The following USP37 variants were observed in gnomAD, a reference collection of about 807,000 sequenced individuals.
USP37 encodes the protein ubiquitin carboxyl-terminal hydrolase 37.
Under a neutral mutation model 124.0 loss-of-function variants are expected in USP37, and 27 were observed. The ratio of observed to expected loss-of-function variants is 0.22; its 90% CI spans 0.16 to 0.30. The LOEUF is 0.30. Ranked by LOEUF, USP37 falls within the 10% of genes least tolerant of loss-of-function variation. The probability of loss-of-function intolerance (pLI) is 1.00; values close to 1 mark genes in which losing one functional copy is unlikely to be tolerated. For missense variants in USP37, 889 were observed against 1,140.4 expected, an observed-to-expected ratio of 0.78 and a Z score of 3.17; for synonymous variants, 365 against 388.0, an observed-to-expected ratio of 0.94 and a Z score of 0.70.
At position 218,495,903 on chromosome 2, in the gene USP37, A is replaced by G. The variant is rs777724407; in HGVS notation, c.1329T>C (p.Asp443=). 1.9e-6 allele frequency: 3 copies of G among 1,613,562 alleles called. No homozygotes were observed. The South Asian group carries it at 3.3e-5, about 18-fold the overall frequency. The change falls in exon 14 of 26, where the codon GAT becomes GAC. Residue 443 remains aspartate, a synonymous_variant. Transcript: ENST00000258399. ...TCCAAGTTTTATTTAATTTTTCCAT[A>G]TCTTCTTTCAGCTGGTCCAAACACT... ...LSQCLDQLKE[D]MEKLNKTWKT...
At chr2:218,537,950 TA>T (rs968978307) in intron 8 of USP37, among the ~76,000 whole-genome samples, 2 of 152,172 alleles carry the variant, frequency 1.3e-5, no homozygotes, top group African/African-American at 4.8e-5. Context: ...CAACCAGAGC[TA>T]ACCATCAGGA....
intron 10 of USP37, among the ~76,000 whole-genome samples, chr2:218,513,966 C>T (rs1009454208): frequency 1.4e-4 from 21 of 151,770 alleles, no homozygotes; most frequent in East Asian, 1.9e-4. Context: ...CACATCACCA[C>T]GCCCTGCTAA....
chr2:218,537,257 A>G (rs1266273030), intron 8 of USP37, among the ~76,000 whole-genome samples: 2 of 152,218 alleles, frequency 1.3e-5, no homozygotes, highest in African/African-American at 4.8e-5. Context: ...TTCCCAAAAC[A>G]ATGTGACAGA....
chr2:218,531,094 AAAC>A (rs1691295219), intron 9 of USP37, among the ~76,000 whole-genome samples: 1 of 152,380 alleles, frequency 6.6e-6, no homozygotes, highest in African/African-American at 2.4e-5. Context: ...TGGCTACGTT[AAAC>A]AACAGGTCTT....
At chr2:218,487,665 T>C (rs1691651378) in intron 15 of USP37, among the ~76,000 whole-genome samples, 1 of 151,906 alleles carries the variant, frequency 6.6e-6, no homozygotes, top group African/African-American at 2.4e-5. Context: ...GTGAACCGCC[T>C]GCCTTGGCCT....
At chr2:218,508,277 C>CT (rs1051039473) in intron 11 of USP37, among the ~76,000 whole-genome samples, 207 of 140,358 alleles carry the variant, frequency 1.5e-3, no homozygotes, top group African/African-American at 3.8e-3. Context: ...GTTTTTTTTT[C>CT]TTTTTTTTTT....
At chr2:218,547,808 T>TA (rs1199495804) in intron 6 of USP37, among the ~76,000 whole-genome samples, 1 of 151,934 alleles carries the variant, frequency 6.6e-6, no homozygotes, top group Non-Finnish European at 1.5e-5. Flanking sequence ...GAAGGTGAGA[T>TA]AGAGTTCAAT....
chr2:218,498,629 AG>A (rs1394058740), intron 11 of USP37, among the ~76,000 whole-genome samples: 2 of 152,164 alleles, frequency 1.3e-5, no homozygotes, highest in Non-Finnish European at 2.9e-5. Flanking sequence ...TTGCAGGCTG[AG>A]GCACGAGAAT....
chr2:218,495,034 G>A (rs1689000150), intron 14 of USP37, among the ~76,000 whole-genome samples: 1 of 151,790 alleles, frequency 6.6e-6, no homozygotes, highest in South Asian at 2.1e-4. Context: ...TGGAAAAGAT[G>A]TAGAATGAAA....
At chr2:218,485,796 A>G in intron 15 of USP37, 53 bp from the exon 16 acceptor site, 1 of 1,554,898 alleles carries the variant, frequency 6.4e-7, no homozygotes, top group Non-Finnish European at 8.7e-7. Flanking sequence ...TTAGTATCTT[A>G]AATGCAAATA....
chr2:218,541,986 G>C (rs1326175819), intron 8 of USP37, among the ~76,000 whole-genome samples: 1 of 152,112 alleles, frequency 6.6e-6, no homozygotes, highest in Admixed American at 6.5e-5. Context: ...CACCTGGACA[G>C]AGCCAGAGCA....
At chr2:218,525,885 T>C (rs1690930271) in intron 10 of USP37, among the ~76,000 whole-genome samples, 1 of 152,188 alleles carries the variant, frequency 6.6e-6, no homozygotes, top group Non-Finnish European at 1.5e-5. Flanking sequence ...TTCTACTCTA[T>C]ATGTCCACGT....
At chr2:218,533,186 T>C (rs568528957) in intron 9 of USP37, among the ~76,000 whole-genome samples, 20 of 152,260 alleles carry the variant, frequency 1.3e-4, no homozygotes, top group Admixed American at 1.2e-3. Flanking sequence ...TACCCTCTCC[T>C]GCCCCCAAGT....
chr2:218,472,036 GAAAA>G (rs59108521), intron 20 of USP37, among the ~76,000 whole-genome samples: 1 of 138,278 alleles, frequency 7.2e-6, no homozygotes, highest in Non-Finnish European at 1.6e-5. Context: ...TCCGCCCCAG[GAAAA>G]AAAAAAAAAA....
At chr2:218,566,743 GTTTT>G (rs750357179) in intron 1 of USP37, among the ~76,000 whole-genome samples, 4 of 152,144 alleles carry the variant, frequency 2.6e-5, no homozygotes, top group Non-Finnish European at 1.5e-5. Context: ...TCAAGTCCAG[GTTTT>G]TTAAGGACTG....
intron 10 of USP37, among the ~76,000 whole-genome samples, chr2:218,513,620 A>G (rs1690119898): frequency 6.6e-6 from 1 of 152,124 alleles, no homozygotes; most frequent in Non-Finnish European, 1.5e-5. Flanking sequence ...ACTATAGATT[A>G]CATTTTCTAA....
At chr2:218,509,618 T>C (rs191340030) in intron 11 of USP37, among the ~76,000 whole-genome samples, 2 of 152,188 alleles carry the variant, frequency 1.3e-5, no homozygotes, top group Admixed American at 1.3e-4. Context: ...CTATAATTAC[T>C]ACAGTTATTA....
intron 5 of USP37, among the ~76,000 whole-genome samples, chr2:218,550,311 A>C (rs1692592608): frequency 6.6e-6 from 1 of 152,156 alleles, no homozygotes; most frequent in African/African-American, 2.4e-5. Flanking sequence ...ATATACTCCA[A>C]AACATTCTCT....
At chr2:218,462,742 GA>G (rs1156549376) in intron 22 of USP37, among the ~76,000 whole-genome samples, 1 of 151,904 alleles carries the variant, frequency 6.6e-6, no homozygotes, top group Non-Finnish European at 1.5e-5. Context: ...GGGTATAGAT[GA>G]CAAAAATTAT....
Sources: allele counts gnomAD v4.1 joint callset (sites outside exome capture counted in the v4.1 genomes callset), GRCh38; gene constraint gnomAD v4.1.1; transcripts MANE v1.5; gene names NCBI Gene and HGNC (gene_info 2026-07-23, HGNC 2026-07-21).